Variants in DOCK5 observed in about 807,000 individuals in gnomAD.
The protein encoded by DOCK5 is dedicator of cytokinesis protein 5.
DOCK5 carries 142 observed loss-of-function variants against 251.8 expected under a neutral mutation model. That is an observed-to-expected ratio of 0.56 (90% CI 0.49 to 0.65). DOCK5 has a LOEUF of 0.65. Ranked by LOEUF, DOCK5 falls within the 30% of genes least tolerant of loss-of-function variation. The probability of loss-of-function intolerance (pLI) is 0.00; values close to 1 mark genes in which losing one functional copy is unlikely to be tolerated. For synonymous variants in DOCK5, 842 were observed against 835.5 expected (o/e 1.01, Z -0.13); for missense variants, 2,111 against 2,312.3 (o/e 0.91, Z 1.79).
chr8:25,268,042 T>C (rs945490798), intron 2 of DOCK5, among the ~76,000 whole-genome samples: 1 of 152,054 alleles, frequency 6.6e-6, no homozygotes, highest in South Asian at 2.1e-4. Context: ...TTTATATTTT[T>C]AGTAGAGACG....
chr8:25,309,023 T>C, intron 12 of DOCK5, 98 bp downstream of exon 12: 2 of 1,471,636 alleles, frequency 1.4e-6, no homozygotes, highest in Non-Finnish European at 1.8e-6. Context: ...CTTTCTCTGA[T>C]ACAAAACAGC....
intron 1 of DOCK5, among the ~76,000 whole-genome samples, chr8:25,226,101 A>G (rs1396577376): frequency 6.6e-6 from 1 of 152,230 alleles, no homozygotes; most frequent in East Asian, 1.9e-4. Context: ...TTTAGCAGGT[A>G]AAATAAAACA....
At chr8:25,407,471 C>G (rs925759711) in intron 48 of DOCK5, among the ~76,000 whole-genome samples, 5 of 152,168 alleles carry the variant, frequency 3.3e-5, no homozygotes, top group African/African-American at 9.7e-5. Flanking sequence ...ATATTTTCGT[C>G]CAGTCGTCTG....
chr8:25,351,770 C>T lies in DOCK5; in HGVS notation c.2794C>T (p.Leu932=), dbSNP rs150961399. The change falls in exon 27 of 52, where the codon CTG becomes TTG. Residue 932 remains leucine, a synonymous_variant. Transcript: ENST00000276440. The part of the protein sequence containing the change: ...AVHIQLIMER[L]LRRINRTVIG... The stretch of plus-strand genomic sequence containing the variant: ...GCACATTCAGCTTATAATGGAACGG[C>T]TGCTGAGAAGGATCAACCGGACAGT... 46 of 1,613,886 alleles carry T rather than the reference C, an allele frequency of 2.9e-5. No homozygotes were observed. In the African/African-American group the frequency reaches 4.3e-4, roughly 15 times the overall value.
intron 28 of DOCK5, among the ~76,000 whole-genome samples, chr8:25,360,849 A>G (rs1245022006): frequency 1.3e-5 from 2 of 152,128 alleles, no homozygotes; most frequent in African/African-American, 4.8e-5. Flanking sequence ...AACCGTGACA[A>G]TTTGGCTCCA....
intron 38 of DOCK5, among the ~76,000 whole-genome samples, 161 bp downstream of exon 38, chr8:25,377,585 G>T (rs1012080834): frequency 1.3e-5 from 2 of 152,150 alleles, no homozygotes; most frequent in African/African-American, 4.8e-5. Flanking sequence ...CTTCAAATTT[G>T]GGGGTCCCCA....
At chr8:25,241,975 G>A (rs185868651) in intron 1 of DOCK5, among the ~76,000 whole-genome samples, 161 of 151,974 alleles carry the variant, frequency 1.1e-3, no homozygotes, top group African/African-American at 3.8e-3. Context: ...GACACAGGGA[G>A]GGGAACATCA....
chr8:25,255,211 C>T (rs951113136), intron 2 of DOCK5, among the ~76,000 whole-genome samples: 2 of 152,100 alleles, frequency 1.3e-5, no homozygotes, highest in Non-Finnish European at 2.9e-5. Context: ...TGGTATTTAC[C>T]CAAAGGAGTT....
intron 1 of DOCK5, among the ~76,000 whole-genome samples, chr8:25,198,211 A>C (rs1322943406): frequency 2.0e-5 from 3 of 152,098 alleles, no homozygotes. Flanking sequence ...TTTGATTTGT[A>C]CTTTCTGTGA....
intron 1 of DOCK5, among the ~76,000 whole-genome samples, chr8:25,227,911 GTC>G (rs751570645): frequency 3.0e-4 from 46 of 151,030 alleles, no homozygotes; most frequent in Non-Finnish European, 3.7e-4. Flanking sequence ...TTGAGACAAG[GTC>G]TCTCTCTGTC....
intron 40 of DOCK5, among the ~76,000 whole-genome samples, chr8:25,384,099 C>T (rs1801116736): frequency 1.3e-5 from 2 of 152,236 alleles, no homozygotes; most frequent in African/African-American, 4.8e-5. Context: ...CAGCCAAAGG[C>T]AGTCAGCTCC....
intron 40 of DOCK5, among the ~76,000 whole-genome samples, chr8:25,386,830 C>T (rs574157895): frequency 2.6e-5 from 4 of 152,050 alleles, no homozygotes; most frequent in Admixed American, 6.6e-5. Context: ...ACCTGCTGAG[C>T]GAGTGTGCAA....
At position 25,308,837 on chromosome 8, in the gene DOCK5, A is replaced by G. The variant is rs755204132; in HGVS notation, c.1104A>G (p.Ile368Met). Residue 368 changes from isoleucine (I) to methionine (M), a missense_variant, in exon 12 of 52, where the codon ATA (isoleucine) becomes ATG (methionine). Ile to Met is a conservative substitution (Grantham distance 10, BLOSUM62 1). Coordinates refer to ENST00000276440, the MANE Select transcript of DOCK5 (RefSeq NM_024940.8). Reference protein sequence around the residue: ...RQRQLIMSPLITSHVIGENEP... With the variant: ...RQRQLIMSPLMTSHVIGENEP... ...GGCAGCTCATCATGTCGCCTTTGAT[A>G]ACATCACACGTGATTGGGGAGAATG... 1.9e-6 allele frequency: 3 copies of G among 1,613,978 alleles called. No individual in the cohort carries two copies. Among genetic ancestry groups the G allele is most frequent in the South Asian group, 1.1e-5 (1 of 91,082 alleles).
At chr8:25,377,480 C>A in intron 38 of DOCK5, 56 bp downstream of exon 38, 1 of 1,561,972 alleles carries the variant, frequency 6.4e-7, no homozygotes, top group Admixed American at 1.9e-5. Flanking sequence ...CGCAGTATCG[C>A]AATACAATTC....
chr8:25,208,547 A>G (rs1042091341), intron 1 of DOCK5, among the ~76,000 whole-genome samples: 6 of 152,212 alleles, frequency 3.9e-5, no homozygotes, highest in Admixed American at 6.5e-5. Context: ...CCAGCCAAAA[A>G]ATTAAGAGTC....
chr8:25,246,738 GTGTGTGTGTGTGTGTGT>G, intron 2 of DOCK5, among the ~76,000 whole-genome samples: 10 of 145,424 alleles, frequency 6.9e-5, no homozygotes, highest in Admixed American at 6.0e-4. Context: ...GTGTGTGTGT[GTGTGTGTGTGTGTGTGT>G]GGCGGGGGCG....
chr8:25,404,050 A>G (rs1187363146), intron 48 of DOCK5, among the ~76,000 whole-genome samples: 1 of 152,216 alleles, frequency 6.6e-6, no homozygotes, highest in Non-Finnish European at 1.5e-5. Flanking sequence ...CAAAAGAACC[A>G]AACGATATAT....
At chr8:25,297,533 C>T (rs1336667058) in intron 7 of DOCK5, among the ~76,000 whole-genome samples, 4 of 152,072 alleles carry the variant, frequency 2.6e-5, no homozygotes, top group East Asian at 1.9e-4. Flanking sequence ...GGATTACAGG[C>T]GTGAGCCACC....
At position 25,340,924 on chromosome 8, in the gene DOCK5, G is replaced by A. The variant is rs767750406; in HGVS notation, c.2375G>A (p.Arg792His). The change falls in exon 23 of 52, where the codon CGC becomes CAC. Residue 792 changes from arginine (R) to histidine (H), a missense_variant. Coordinates refer to ENST00000276440, the MANE Select transcript of DOCK5 (RefSeq NM_024940.8). Reference sequence around the variant, plus strand: ...GGAGATGAGTTTAATAATTCAATTCGCCAGTTATTTCTTGCTTTCAATATG... The same window carrying A: ...GGAGATGAGTTTAATAATTCAATTCACCAGTTATTTCTTGCTTTCAATATG... ...KDGDEFNNSI[R>H]QLFLAFNMLM... 6.8e-6 allele frequency: 11 copies of A among 1,613,394 alleles called. No homozygotes were observed. The highest frequency in any genetic ancestry group is 1.7e-5 in the Admixed American group (1 of 59,960).
Sources: gnomAD v4.1 joint callset for allele counts (sites outside exome capture counted in the v4.1 genomes callset) on GRCh38, gnomAD v4.1.1 for gene constraint, MANE v1.5 for transcripts, NCBI Gene and HGNC (gene_info 2026-07-23, HGNC 2026-07-21) for gene names.